OASL: variants seen among roughly 807,000 people sequenced by gnomAD.
The protein encoded by OASL is 2'-5'-oligoadenylate synthetase like, also known as 2'-5'-oligoadenylate synthase-like protein.
Under a neutral mutation model 35.3 loss-of-function variants are expected in OASL, and 28 were observed. The ratio of observed to expected loss-of-function variants is 0.79; its 90% confidence interval spans 0.59 to 1.09. The LOEUF is 1.09. Among genes scored for constraint, OASL ranks in the 50% least tolerant of loss-of-function variants. The pLI is 0.00. For synonymous variants in OASL, 252 were observed against 254.6 expected (o/e 0.99, Z 0.10); for missense variants, 620 against 635.2 (o/e 0.98, Z 0.26).
intron 2 of OASL, among the ~76,000 whole-genome samples, chr12:121,032,748 A>G (rs1000794832): frequency 3.3e-5 from 5 of 152,092 alleles, no homozygotes; most frequent in African/African-American, 1.2e-4. Context: ...TATAAAATGC[A>G]GTGACAGACC....
intron 5 of OASL, among the ~76,000 whole-genome samples, chr12:121,021,765 C>T (rs1869247196): frequency 2.0e-5 from 3 of 151,992 alleles, no homozygotes; most frequent in African/African-American, 4.8e-5. Flanking sequence ...GAGCTGAGAT[C>T]GCACCACTGC....
At chr12:121,023,818 G>A in intron 5 of OASL, 172 bp downstream of exon 5, 1 of 628,262 alleles carries the variant, frequency 1.6e-6, no homozygotes, top group Non-Finnish European at 2.6e-6. Flanking sequence ...AAGGCTCTGA[G>A]AGCCAAAGAA....
chr12:121,022,591 T>C (rs1869291782), intron 5 of OASL, among the ~76,000 whole-genome samples: 1 of 152,234 alleles, frequency 6.6e-6, no homozygotes, highest in African/African-American at 2.4e-5. Context: ...CCTCCTCATT[T>C]GGCCAGCGGG....
chr12:121,037,057 T>C (rs952800014), intron 1 of OASL, among the ~76,000 whole-genome samples: 2 of 152,154 alleles, frequency 1.3e-5, no homozygotes, highest in Non-Finnish European at 2.9e-5. Flanking sequence ...TCAGGCTTCA[T>C]ATGCTGGGGA....
chr12:121,024,880 T>C (rs534822645), intron 4 of OASL, among the ~76,000 whole-genome samples: 1 of 152,242 alleles, frequency 6.6e-6, no homozygotes, highest in African/African-American at 2.4e-5. Flanking sequence ...ATTAACCTAT[T>C]TTAATCTTAC....
chr12:121,033,642 A>G, exon 2 of OASL: 1 of 1,614,104 alleles, frequency 6.2e-7, no homozygotes, highest in Non-Finnish European at 8.5e-7. Context: ...CATCTTTGTG[A>G]TGCTTGGCTG....
exon 6 of OASL, chr12:121,020,463 G>A (rs1016513144): frequency 1.3e-5 from 16 of 1,269,326 alleles, no homozygotes; most frequent in Non-Finnish European, 1.6e-5. Context: ...AACTGGTGAA[G>A]ACCTGGGACC....
exon 2 of OASL, chr12:121,033,626 T>C (rs1243403510): frequency 6.2e-7 from 1 of 1,614,136 alleles, no homozygotes; most frequent in Admixed American, 1.7e-5. Flanking sequence ...CATATCAGCC[T>C]CAGAACATCT....
intron 3 of OASL, among the ~76,000 whole-genome samples, chr12:121,029,118 G>C (rs1040631734): frequency 1.2e-4 from 17 of 144,042 alleles, no homozygotes; most frequent in African/African-American, 4.4e-4. Context: ...TATTTAGCCA[G>C]AAAGTGAAAA....
chr12:121,023,298 T>TC (rs1339818496), intron 5 of OASL, among the ~76,000 whole-genome samples: 6 of 149,156 alleles, frequency 4.0e-5, no homozygotes, highest in African/African-American at 9.8e-5. Context: ...TTTTTTTCTT[T>TC]TTTTTTTGAG....
intron 5 of OASL, among the ~76,000 whole-genome samples, chr12:121,021,648 A>G (rs1173852251): frequency 1.3e-5 from 2 of 152,130 alleles, no homozygotes; most frequent in African/African-American, 4.8e-5. Flanking sequence ...TATCTCTACC[A>G]AAAAATGCAA....
intron 3 of OASL, 57 bp from the exon 4 acceptor site, chr12:121,027,874 TG>T (rs1869557260): frequency 6.7e-7 from 1 of 1,492,114 alleles, no homozygotes; most frequent in African/African-American, 1.4e-5. Context: ...TGTGTAAGGA[TG>T]GCGTTGGACC....
rs201476777 is a variant in OASL at position 121,033,412 on chromosome 12, T to A, written c.481+49A>T. The A allele has an allele frequency of 5.1e-5, 81 of 1,585,026 alleles. No homozygotes were observed. The East Asian group carries it at 1.3e-3, about 26-fold the overall frequency. The stretch of plus-strand genomic sequence containing the variant: ...AGTAAAGGTGAGACACTGGGAAGTC[T>A]CCTGGGGTGGGCAAGTGTGTGAGTC... On this transcript the variant is annotated intron_variant, in intron 2 of 5. Transcript: ENST00000257570.
chr12:121,020,637 C>T (rs776575474), exon 6 of OASL: 1 of 1,614,152 alleles, frequency 6.2e-7, no homozygotes, highest in Non-Finnish European at 8.5e-7. Context: ...GCCATAGATC[C>T]CCAGACCCAA....
intron 1 of OASL, among the ~76,000 whole-genome samples, chr12:121,034,196 CTT>C (rs10680000): frequency 6.8e-6 from 1 of 146,776 alleles, no homozygotes; most frequent in Non-Finnish European, 1.5e-5. Context: ...AGCCCAGACT[CTT>C]TTTTTTTTTT....
intron 4 of OASL, among the ~76,000 whole-genome samples, chr12:121,025,170 G>T (rs1869429245): frequency 6.6e-6 from 1 of 151,668 alleles, no homozygotes; most frequent in African/African-American, 2.4e-5. Context: ...TAGAGATGGG[G>T]TTTCACCATC....
intron 4 of OASL, among the ~76,000 whole-genome samples, chr12:121,026,726 C>A (rs1195852466): frequency 6.6e-6 from 1 of 152,056 alleles, no homozygotes; most frequent in Non-Finnish European, 1.5e-5. Context: ...GTTGTAGGCG[C>A]CTGTAATCTC....
chr12:121,020,972 C>T, exon 6 of OASL: 3 of 1,614,102 alleles, frequency 1.9e-6, no homozygotes, highest in Non-Finnish European at 2.5e-6. Flanking sequence ...TCTCTTTAAC[C>T]TTCCTTATGG....
intron 3 of OASL, among the ~76,000 whole-genome samples, chr12:121,030,362 G>A (rs7316724): frequency 0.018 from 2,666 of 152,030 alleles, 92 homozygotes; most frequent in African/African-American, 0.061. Context: ...CCGCCACCAC[G>A]CCTGGCTATT....
Sources: gnomAD v4.1 joint callset for allele counts (sites outside exome capture counted in the v4.1 genomes callset) on GRCh38, gnomAD v4.1.1 for gene constraint, MANE v1.5 for transcripts, NCBI Gene and HGNC (gene_info 2026-07-23, HGNC 2026-07-21) for gene names.